MEIS1: variants seen among roughly 807,000 people sequenced by gnomAD.
MEIS1 encodes the protein Meis homeobox 1, also known as homeobox protein Meis1.
Under a neutral mutation model 50.8 loss-of-function variants are expected in MEIS1, and 5 were observed. That is an observed-to-expected ratio of 0.10 (90% CI 0.05 to 0.21). The LOEUF (loss-of-function observed/expected upper bound fraction) is 0.21, where lower values mean the gene tolerates loss of function less well. Ranked by LOEUF, MEIS1 falls within the 10% of genes least tolerant of loss-of-function variation. The probability of loss-of-function intolerance (pLI) is 1.00; values close to 1 mark genes in which losing one functional copy is unlikely to be tolerated. For synonymous variants in MEIS1, 176 were observed against 179.3 expected (o/e 0.98, Z 0.15); for missense variants, 318 against 517.3 (o/e 0.61, Z 3.74).
chr2:66,522,251 G>A (rs1674142725), intron 8 of MEIS1, among the ~76,000 whole-genome samples: 1 of 152,194 alleles, frequency 6.6e-6, no homozygotes, highest in Non-Finnish European at 1.5e-5. Context: ...GAGGATCATG[G>A]CAGGCATGTC....
chr2:66,480,462 A>G (rs971209519), intron 7 of MEIS1, among the ~76,000 whole-genome samples: 2 of 152,216 alleles, frequency 1.3e-5, no homozygotes, highest in Non-Finnish European at 2.9e-5. Context: ...ACACTGGGAT[A>G]TTATGTGATT....
chr2:66,567,487 A>G lies in MEIS1; in HGVS notation c.1000A>G (p.Met334Val), dbSNP rs373420611. 4 of 1,613,872 alleles carry G rather than the reference A, an allele frequency of 2.5e-6. No individual in the cohort carries two copies. The African/African-American group carries it at 5.3e-5, about 22-fold the overall frequency. Residue 334 changes from methionine (M) to valine (V), a missense_variant, in exon 10 of 13, where the codon ATG becomes GTG. Around this residue, in one of 6 missense-constraint regions of MEIS1, gnomAD observed 1 missense variants for 27.9 expected, o/e 0.04. Transcript: ENST00000272369. ...INARRRIVQPMIDQSNRAVSQ... is the reference protein window; with the variant it reads ...INARRRIVQPVIDQSNRAVSQ... ...TGCCCGGAGAAGAATAGTGCAGCCC[A>G]TGATAGACCAGTCCAACCGAGCAGG...
At position 66,542,171 on chromosome 2, in the gene MEIS1, A is replaced by G. The variant is rs781064248; in HGVS notation, c.889-5772A>G. 2.1e-4 allele frequency among the ~76,000 whole-genome samples: 32 copies of G among 152,332 alleles called. 1 individual carries two copies. The highest frequency in any genetic ancestry group is 2.4e-4 in the Non-Finnish European group (16 of 68,030). On this transcript the variant is annotated intron_variant, in intron 8 of 12. Transcript: ENST00000272369. ...TTTCTGCTTAGTCTCTTAGAGGTCA[A>G]ATATATAGCTGGTTATTTTCATTTA...
At chr2:66,475,322 CAT>C (rs1393809027) in intron 7 of MEIS1, among the ~76,000 whole-genome samples, 1 of 142,336 alleles carries the variant, frequency 7.0e-6, no homozygotes, top group East Asian at 2.0e-4. Context: ...TAATAAATAA[CAT>C]ATTTATATAT....
At chr2:66,540,039 C>T (rs1428290875) in intron 8 of MEIS1, among the ~76,000 whole-genome samples, 7 of 152,032 alleles carry the variant, frequency 4.6e-5, no homozygotes, top group African/African-American at 7.2e-5. Context: ...AACTCAGGGC[C>T]GGACAGACCT....
At chr2:66,438,051 T>C (rs764622375) in intron 2 of MEIS1, 88 bp downstream of exon 2, 15 of 1,196,376 alleles carry the variant, frequency 1.3e-5, no homozygotes, top group Non-Finnish European at 1.7e-5. Context: ...GTCAGAGTTC[T>C]CTGGATTGGA....
chr2:66,446,945 A>C (rs573276012), intron 6 of MEIS1, among the ~76,000 whole-genome samples: 1 of 152,326 alleles, frequency 6.6e-6, no homozygotes, highest in Non-Finnish European at 1.5e-5. Context: ...TCTGAAGCAG[A>C]GTTTGGCTTA....
Position 66,435,769 on chromosome 2 carries a change from C to A in MEIS1, c.-88C>A. 7.6e-6 allele frequency: 3 copies of A among 394,888 alleles called. No individual in the cohort carries two copies. Among genetic ancestry groups the A allele is most frequent in the South Asian group, 5.6e-5 (1 of 17,990 alleles). 24.5% of individuals were successfully genotyped at this position (394,888 alleles called of 1,614,324 possible). The stretch of plus-strand genomic sequence containing the variant: ...TTTTTTTTTTTTTTTTTTTTTTTTC[C>A]GGGGGAGTTTGAATATTTGTTTCTT... On this transcript the variant is annotated 5_prime_UTR_variant, in exon 1 of 13. Transcript: ENST00000272369.
At position 66,442,883 on chromosome 2, in the gene MEIS1, T is replaced by A. The variant is rs774454871; in HGVS notation, c.484-19T>A. ...ACTCCTGATTATATTCCCATTTTTT[T>A]ATTTCTGTCATAATGTAGGTACACG... On this transcript the variant is annotated intron_variant, in intron 5 of 12. Transcript: ENST00000272369. 1.5e-5 allele frequency: 24 copies of A among 1,570,672 alleles called. No individual in the cohort carries two copies. The highest frequency in any genetic ancestry group is 9.7e-5 in the African/African-American group (7 of 72,134).
chr2:66,440,028 G>GC (rs556653141), intron 3 of MEIS1, 44 bp downstream of exon 3: 421 of 1,541,048 alleles, frequency 2.7e-4, no homozygotes, highest in East Asian at 1.6e-3. Flanking sequence ...CAAAAAGAGA[G>GC]CCCCCCCTTC....
intron 8 of MEIS1, among the ~76,000 whole-genome samples, chr2:66,546,316 G>T (rs1256239917): frequency 6.6e-6 from 1 of 152,166 alleles, no homozygotes; most frequent in African/African-American, 2.4e-5. Flanking sequence ...GGATGGTGTG[G>T]CTTGGTATAG....
chr2:66,566,877 T>C (rs1675362562), intron 9 of MEIS1, among the ~76,000 whole-genome samples: 2 of 151,626 alleles, frequency 1.3e-5, no homozygotes, highest in Non-Finnish European at 2.9e-5. Flanking sequence ...AATGCATTTC[T>C]CTGAAGTCCT....
chr2:66,441,514 C>A, intron 5 of MEIS1, 50 bp downstream of exon 5: 1 of 1,419,472 alleles, frequency 7.0e-7, no homozygotes, highest in Non-Finnish European at 9.5e-7. Flanking sequence ...CCCCCAAACA[C>A]ACAGGGGGGA....
chr2:66,562,891 C>A (rs1490196055), intron 9 of MEIS1, among the ~76,000 whole-genome samples: 2 of 152,134 alleles, frequency 1.3e-5, no homozygotes, highest in Non-Finnish European at 2.9e-5. Flanking sequence ...GTTTTCAAAG[C>A]AAACTAGATT....
At chr2:66,564,558 T>G (rs1675293227) in intron 9 of MEIS1, among the ~76,000 whole-genome samples, 1 of 152,090 alleles carries the variant, frequency 6.6e-6, no homozygotes, top group Admixed American at 6.5e-5. Flanking sequence ...TTTTTAAGAA[T>G]CACTAATGTT....
chr2:66,477,095 T>C (rs1048261859), intron 7 of MEIS1, among the ~76,000 whole-genome samples: 8 of 152,068 alleles, frequency 5.3e-5, no homozygotes, highest in Admixed American at 2.0e-4. Context: ...CATTCTGGCA[T>C]TGGTTTAGCA....
Position 66,441,751 on chromosome 2 carries a change from G to C in MEIS1, c.483+287G>C, listed in dbSNP as rs1420441524. On this transcript the variant is annotated intron_variant, in intron 5 of 12. Coordinates refer to ENST00000272369, the MANE Select transcript of MEIS1 (RefSeq NM_002398.3). ...TTCTGTGCATCCCAGCTGATGTTTC[G>C]AATGCTGCTCTGAGGTTGTTTCACA... 2.5e-5 allele frequency: 10 copies of C among 392,404 alleles called. No homozygotes were observed. In the South Asian group the frequency reaches 3.0e-4, roughly 12 times the overall value. 24.3% of individuals were successfully genotyped at this position (392,404 alleles called of 1,614,324 possible). A position where few individuals can be genotyped will look rare whatever the true frequency, so the allele number is the denominator to read the frequency against.
At chr2:66,522,252 C>CA (rs1200853430) in intron 8 of MEIS1, among the ~76,000 whole-genome samples, 1 of 152,160 alleles carries the variant, frequency 6.6e-6, no homozygotes, top group African/African-American at 2.4e-5. Context: ...AGGATCATGG[C>CA]AGGCATGTCA....
At chr2:66,508,569 C>T (rs938558894) in intron 7 of MEIS1, among the ~76,000 whole-genome samples, 3 of 152,230 alleles carry the variant, frequency 2.0e-5, no homozygotes, top group South Asian at 2.1e-4. Flanking sequence ...TGCGCAGCCC[C>T]GGCCGCTGCC....
Sources: allele counts gnomAD v4.1 joint callset (sites outside exome capture counted in the v4.1 genomes callset), GRCh38; gene constraint gnomAD v4.1.1; regional missense constraint gnomAD v4.1.1; transcripts MANE v1.5; gene names NCBI Gene and HGNC (gene_info 2026-07-23, HGNC 2026-07-21).